Variants in ACMSD observed in about 807,000 individuals in gnomAD.
The protein encoded by ACMSD is aminocarboxymuconate semialdehyde decarboxylase.
A neutral mutation model predicts 45.9 loss-of-function variants in ACMSD; 37 were observed. That is an observed-to-expected ratio of 0.81 (90% CI 0.62 to 1.06). The LOEUF (loss-of-function observed/expected upper bound fraction) is 1.06, where lower values mean the gene tolerates loss of function less well. ACMSD is among the 50% of genes least tolerant of loss of function. The pLI, the probability that ACMSD is intolerant of heterozygous loss-of-function variation, is 0.00. For synonymous variants in ACMSD, 138 were observed against 148.8 expected, an observed-to-expected ratio of 0.93 and a Z score of 0.53; for missense variants, 434 against 420.9, an observed-to-expected ratio of 1.03 and a Z score of -0.27.
intron 8 of ACMSD, among the ~76,000 whole-genome samples, chr2:134,898,122 A>G (rs1261231544): frequency 2.0e-5 from 3 of 151,762 alleles, no homozygotes; most frequent in Admixed American, 2.0e-4. Context: ...GATTTGCAAC[A>G]AAGAGACCTA....
intron 8 of ACMSD, among the ~76,000 whole-genome samples, chr2:134,885,195 C>A (rs901137442): frequency 7.6e-6 from 1 of 131,286 alleles, no homozygotes; most frequent in African/African-American, 2.9e-5. Flanking sequence ...GACTTTGTCT[C>A]AAAAAATATA....
chr2:134,872,578 T>C lies in ACMSD; in HGVS notation c.786T>C (p.Phe262=), dbSNP rs1254444438. 1.2e-6 allele frequency: 2 copies of C among 1,614,188 alleles called. No individual in the cohort carries two copies. Among genetic ancestry groups the C allele is most frequent in the Admixed American group, 1.7e-5 (1 of 60,024 alleles). The stretch of plus-strand genomic sequence containing the variant: ...ACCCGAAGAAATACCTTGGTTCCTT[T>C]TACACAGATGCTTTGGTTCATGATC... ...PMNPKKYLGS[F]YTDALVHDPL... Residue 262 remains phenylalanine (F), a synonymous_variant, in exon 8 of 10, where the codon TTT becomes TTC. Transcript: ENST00000356140.
rs1491203378 is a variant in ACMSD at position 134,885,292 on chromosome 2, T to TATATATAATATATATGTAA, written c.849+12658_849+12659insATATATATGTAAATATATA. On this transcript the variant is annotated intron_variant, in intron 8 of 9. Coordinates refer to ENST00000356140, the MANE Select transcript of ACMSD (RefSeq NM_138326.3). ...AAATATATATATTATATATTATATT[T>TATATATAATATATATGTAA]ATATATATATTTAAATATATATATA... Among the ~76,000 whole-genome samples, 118 of 99,598 alleles carry TATATATAATATATATGTAA rather than the reference T, an allele frequency of 1.2e-3. 2 individuals are homozygous for TATATATAATATATATGTAA. The highest frequency in any genetic ancestry group is 4.8e-3 in the African/African-American group (114 of 23,940). 65.3% of individuals were successfully genotyped at this position (99,598 alleles called of 152,430 possible). A position where few individuals can be genotyped will look rare whatever the true frequency, so the allele number is the denominator to read the frequency against.
intron 1 of ACMSD, among the ~76,000 whole-genome samples, chr2:134,839,189 A>G (rs567110522): frequency 6.4e-4 from 97 of 152,332 alleles, no homozygotes; most frequent in African/African-American, 2.3e-3. Flanking sequence ...AGAAGCACCA[A>G]GAGATAGCTT....
intron 2 of ACMSD, among the ~76,000 whole-genome samples, chr2:134,851,039 A>G (rs1413504946): frequency 6.6e-6 from 1 of 152,154 alleles, no homozygotes; most frequent in African/African-American, 2.4e-5. Context: ...CTAAGTGAGA[A>G]CATGCAGTGT....
intron 8 of ACMSD, among the ~76,000 whole-genome samples, chr2:134,880,938 G>T (rs2104912399): frequency 6.6e-6 from 1 of 152,040 alleles, no homozygotes; most frequent in South Asian, 2.1e-4. Flanking sequence ...TTTTTAACGG[G>T]CCTGTTTCTG....
intron 2 of ACMSD, among the ~76,000 whole-genome samples, chr2:134,849,902 T>C (rs191753915): frequency 6.6e-6 from 1 of 151,222 alleles, no homozygotes; most frequent in East Asian, 2.0e-4. Context: ...ACAGGCCCGT[T>C]TCAAAGCCAT....
At chr2:134,840,004 C>T (rs1439326799) in intron 1 of ACMSD, among the ~76,000 whole-genome samples, 1 of 151,678 alleles carries the variant, frequency 6.6e-6, no homozygotes, top group Non-Finnish European at 1.5e-5. Flanking sequence ...CACTTTCTAC[C>T]CCTCATTTAT....
intron 1 of ACMSD, among the ~76,000 whole-genome samples, chr2:134,839,049 T>C (rs1281173640): frequency 6.6e-6 from 1 of 152,184 alleles, no homozygotes; most frequent in Non-Finnish European, 1.5e-5. Context: ...ATTCAGCTGC[T>C]GGGAAGATAC....
At chr2:134,870,937 T>A (rs1224187023) in intron 6 of ACMSD, 28 bp from the exon 7 acceptor site, 3 of 1,598,268 alleles carry the variant, frequency 1.9e-6, no homozygotes, top group African/African-American at 1.3e-5. Flanking sequence ...TGATCATCCC[T>A]GAACCTTGTG....
chr2:134,885,329 G>A (rs1317611923), intron 8 of ACMSD, among the ~76,000 whole-genome samples: 21 of 73,924 alleles, frequency 2.8e-4, no homozygotes, highest in Admixed American at 7.1e-4. Flanking sequence ...AAATATATAT[G>A]TAAATATATA....
intron 8 of ACMSD, among the ~76,000 whole-genome samples, chr2:134,897,161 G>A (rs1257044149): frequency 6.6e-6 from 1 of 151,474 alleles, no homozygotes; most frequent in African/African-American, 2.4e-5. Flanking sequence ...AAAAAAAAAA[G>A]AAAAGGGGAT....
At chr2:134,866,949 G>C (rs1009386979) in intron 5 of ACMSD, among the ~76,000 whole-genome samples, 1 of 152,134 alleles carries the variant, frequency 6.6e-6, no homozygotes, top group African/African-American at 2.4e-5. Flanking sequence ...GACTCATCTG[G>C]GCTTCTGGGG....
intron 2 of ACMSD, among the ~76,000 whole-genome samples, chr2:134,850,278 T>TC (rs2104826864): frequency 1.8e-5 from 2 of 110,856 alleles, no homozygotes; most frequent in African/African-American, 6.6e-5. Flanking sequence ...TCTTTTTTTT[T>TC]TTTTTCTGAG....
chr2:134,867,529 G>A, intron 5 of ACMSD, 50 bp from the exon 6 acceptor site: 1 of 1,433,926 alleles, frequency 7.0e-7, no homozygotes, highest in Non-Finnish European at 9.8e-7. Flanking sequence ...CCTGGTATCT[G>A]CTCACTCATC....
chr2:134,851,554 T>C (rs1009982447), intron 2 of ACMSD, among the ~76,000 whole-genome samples: 17 of 152,196 alleles, frequency 1.1e-4, no homozygotes, highest in African/African-American at 4.1e-4. Context: ...GCCATTCTCC[T>C]GCCTCAGGCT....
chr2:134,850,274 T>C (rs1687273164), intron 2 of ACMSD, among the ~76,000 whole-genome samples: 1 of 110,524 alleles, frequency 9.0e-6, no homozygotes, highest in African/African-American at 3.3e-5. Flanking sequence ...GATTTCTTTT[T>C]TTTTTTTTTC....
chr2:134,882,213 G>A (rs1474553871), intron 8 of ACMSD, among the ~76,000 whole-genome samples: 1 of 152,270 alleles, frequency 6.6e-6, no homozygotes, highest in Non-Finnish European at 1.5e-5. Context: ...CAAGTATTTT[G>A]GTTACAAGAT....
In ACMSD at chr2:134,863,526, G is replaced by A; in HGVS notation, c.381G>A (p.Lys127=). 2 of 1,614,260 alleles carry A rather than the reference G, an allele frequency of 1.2e-6. No homozygotes were observed. The highest frequency in any genetic ancestry group is 8.5e-7 in the Non-Finnish European group (1 of 1,180,046). Reference sequence around the variant, plus strand: ...TGCAGGCCCCTGAGCTGGCGGTCAAGGAGATGGAGCGCTGTGTGAAAGAGC... The same window carrying A: ...TGCAGGCCCCTGAGCTGGCGGTCAAAGAGATGGAGCGCTGTGTGAAAGAGC... ...LPMQAPELAV[K]EMERCVKELG... Residue 127 remains lysine (K), a synonymous_variant, in exon 5 of 10, where the codon AAG becomes AAA. Transcript: ENST00000356140.
Sources: allele counts gnomAD v4.1 joint callset (sites outside exome capture counted in the v4.1 genomes callset), GRCh38; gene constraint gnomAD v4.1.1; transcripts MANE v1.5; gene names NCBI Gene and HGNC (gene_info 2026-07-23, HGNC 2026-07-21).